RNF214: variants seen among roughly 807,000 people sequenced by gnomAD.
RNF214 encodes the protein ring finger protein 214.
A neutral mutation model predicts 75.9 loss-of-function variants in RNF214; 25 were observed. That is an observed-to-expected ratio of 0.33 (90% CI 0.24 to 0.46). The LOEUF is 0.46. RNF214 is among the 20% of genes least tolerant of loss of function. The pLI is 1.00. For synonymous variants in RNF214, 314 were observed against 308.8 expected (o/e 1.02, Z -0.18); for missense variants, 725 against 857.5 (o/e 0.85, Z 1.93).
chr11:117,257,610 T>C (rs1239493730), intron 6 of RNF214, among the ~76,000 whole-genome samples: 1 of 152,124 alleles, frequency 6.6e-6, no homozygotes, highest in Non-Finnish European at 1.5e-5. Context: ...ATAGTTACAA[T>C]GGAAGGGAAT....
chr11:117,247,037 G>A lies in RNF214; in HGVS notation c.959+89G>A, dbSNP rs374055941. The A allele has an allele frequency of 4.0e-5, 44 of 1,101,848 alleles. No homozygotes were observed. In the South Asian group the frequency reaches 6.8e-4, roughly 17 times the overall value. 68.3% of individuals were successfully genotyped at this position (1,101,848 alleles called of 1,614,324 possible). A position where few individuals can be genotyped will look rare whatever the true frequency, so the allele number is the denominator to read the frequency against. On this transcript the variant is annotated intron_variant, in intron 6 of 14. Coordinates refer to ENST00000300650, the MANE Select transcript of RNF214 (RefSeq NM_207343.4). ...TTGTATTTGTAGTTTCTTTCCCTTCGGTTTAATTTTTATTTGAAAAACAAG... is the reference window on the plus strand; with the variant it reads ...TTGTATTTGTAGTTTCTTTCCCTTCAGTTTAATTTTTATTTGAAAAACAAG...
intron 6 of RNF214, among the ~76,000 whole-genome samples, chr11:117,249,577 A>G (rs1446344336): frequency 1.3e-5 from 2 of 152,106 alleles, no homozygotes; most frequent in African/African-American, 4.8e-5. Flanking sequence ...TGGTCATTAT[A>G]TTATTCACCT....
At chr11:117,263,862 A>G in intron 6 of RNF214, 1 of 290,354 alleles carries the variant, frequency 3.4e-6, no homozygotes, top group Non-Finnish European at 6.8e-6. Flanking sequence ...CTCAGTTCTA[A>G]CAAGGTAGTC....
intron 6 of RNF214, among the ~76,000 whole-genome samples, chr11:117,250,173 A>G (rs1242118219): frequency 2.0e-5 from 3 of 152,174 alleles, no homozygotes; most frequent in African/African-American, 7.2e-5. Context: ...GGGTAGGGGG[A>G]GTCACAGAGG....
intron 6 of RNF214, among the ~76,000 whole-genome samples, chr11:117,269,754 C>A (rs951582046): frequency 6.6e-6 from 1 of 152,250 alleles, no homozygotes; most frequent in South Asian, 2.1e-4. Context: ...CCCTAACTTA[C>A]AATGGTTTGA....
chr11:117,242,499 C>G (rs1018194999), intron 4 of RNF214, among the ~76,000 whole-genome samples: 5 of 152,054 alleles, frequency 3.3e-5, no homozygotes, highest in Non-Finnish European at 7.4e-5. Context: ...CAGAAGAGGC[C>G]CAGGGTTGAG....
At chr11:117,256,071 C>T (rs1412750136) in intron 6 of RNF214, among the ~76,000 whole-genome samples, 2 of 152,160 alleles carry the variant, frequency 1.3e-5, no homozygotes, top group African/African-American at 4.8e-5. Flanking sequence ...GTATTCTGAA[C>T]GTACTTAAAA....
intron 6 of RNF214, among the ~76,000 whole-genome samples, chr11:117,279,323 C>CA (rs2034079373): frequency 9.6e-6 from 1 of 104,356 alleles, no homozygotes; most frequent in Non-Finnish European, 1.9e-5. Context: ...GAGATACAAA[C>CA]TTTTTTTTTT....
chr11:117,240,652 C>T lies in RNF214; in HGVS notation c.678+792C>T, dbSNP rs187929675. 9.1e-3 allele frequency among the ~76,000 whole-genome samples: 1,377 copies of T among 152,108 alleles called. 13 individuals carry two copies. The highest frequency in any genetic ancestry group is 0.015 in the Non-Finnish European group (1,013 of 67,970). The stretch of plus-strand genomic sequence containing the variant: ...GCAGTGAGCCAAGATTGCACCACTG[C>T]ACCCCAGCCTGGACAACAGAGAAGC... On this transcript the variant is annotated intron_variant, in intron 4 of 14. Coordinates refer to ENST00000300650, the MANE Select transcript of RNF214 (RefSeq NM_207343.4).
chr11:117,285,104 C>G lies in RNF214; in HGVS notation c.2065C>G (p.Gln689Glu). Residue 689 changes from glutamine (Q) to glutamate (E), a missense_variant, in exon 15 of 15, where the codon CAG becomes GAG. By Grantham distance (29) the Gln-to-Glu change is conservative. Around this residue, in one of 2 missense-constraint regions of RNF214, gnomAD observed 363 missense variants for 513.0 expected, o/e 0.71. Coordinates refer to ENST00000300650, the MANE Select transcript of RNF214 (RefSeq NM_207343.4). ...TTTCCAGTGTATCAAATTCTGGGCCCAGACCAACACAAATGACACTTGTCC... is the reference window on the plus strand; with the variant it reads ...TTTCCAGTGTATCAAATTCTGGGCCGAGACCAACACAAATGACACTTGTCC... Reference protein sequence around the residue: ...LHKECIKFWAQTNTNDTCPFC... With the variant: ...LHKECIKFWAETNTNDTCPFC... The G allele has an allele frequency of 6.2e-7, 1 of 1,612,560 alleles. No homozygotes were observed. The highest frequency in any genetic ancestry group is 8.5e-7 in the Non-Finnish European group (1 of 1,178,690).
chr11:117,254,620 G>A (rs377205053), intron 6 of RNF214, among the ~76,000 whole-genome samples: 15 of 150,902 alleles, frequency 9.9e-5, no homozygotes, highest in Admixed American at 7.9e-4. Context: ...TGACCTCTTC[G>A]TTCTTCTTCT....
intron 4 of RNF214, among the ~76,000 whole-genome samples, chr11:117,241,997 T>C (rs906402414): frequency 6.6e-6 from 1 of 152,200 alleles, no homozygotes; most frequent in Non-Finnish European, 1.5e-5. Context: ...TTTCATACTG[T>C]TAAGCTTTTA....
chr11:117,280,155 T>C lies in RNF214; in HGVS notation c.1057-16T>C, dbSNP rs1257860064. On this transcript the variant is annotated splice_polypyrimidine_tract_variant and intron_variant, in intron 7 of 14. Transcript: ENST00000300650. ...GTAAAATTAATAAAGTATTTATATGTGTGTGGCTTCCTTAGATCTTATCAC... is the reference window on the plus strand; with the variant it reads ...GTAAAATTAATAAAGTATTTATATGCGTGTGGCTTCCTTAGATCTTATCAC... 2 of 1,593,566 alleles carry C rather than the reference T, an allele frequency of 1.3e-6. No individual in the cohort carries two copies. Among genetic ancestry groups the C allele is most frequent in the South Asian group, 2.2e-5 (2 of 90,170 alleles).
chr11:117,265,528 C>T (rs2033777565), intron 6 of RNF214, among the ~76,000 whole-genome samples: 1 of 152,012 alleles, frequency 6.6e-6, no homozygotes, highest in African/African-American at 2.4e-5. Context: ...ATTCTCCTGT[C>T]TCAGTCTCCT....
At chr11:117,265,503 T>C (rs1274462536) in intron 6 of RNF214, among the ~76,000 whole-genome samples, 1 of 152,084 alleles carries the variant, frequency 6.6e-6, no homozygotes, top group Non-Finnish European at 1.5e-5. Flanking sequence ...AACCTCTGCC[T>C]CCAGGGTTCA....
At chr11:117,273,242 G>T (rs2033947302) in intron 6 of RNF214, among the ~76,000 whole-genome samples, 1 of 152,098 alleles carries the variant, frequency 6.6e-6, no homozygotes, top group Admixed American at 6.6e-5. Context: ...AAAGATAATT[G>T]TGGATATTCA....
intron 4 of RNF214, among the ~76,000 whole-genome samples, chr11:117,242,050 T>C (rs568652616): frequency 5.9e-5 from 9 of 152,182 alleles, no homozygotes; most frequent in African/African-American, 2.2e-4. Flanking sequence ...TATTTACTTG[T>C]GTCTTTTTAA....
In RNF214 at chr11:117,238,744, C is replaced by T. The variant is rs368615483; in HGVS notation, c.251C>T (p.Ala84Val). The change falls in exon 3 of 15, where the codon GCG becomes GTG. Residue 84 changes from alanine (A) to valine (V), a missense_variant. Ala to Val is a moderately conservative substitution (Grantham distance 64, BLOSUM62 0). Around this residue, in one of 2 missense-constraint regions of RNF214, gnomAD observed 362 missense variants for 344.5 expected, o/e 1.05. Transcript: ENST00000300650. ...TCATCAGCAGGTGACACCTCAGCAG[C>T]GCACCAGGTGGTTTTAGGAGAAAAC... The part of the protein sequence containing the change: ...PGSSAGDTSA[A>V]HQVVLGENLI... The T allele has an allele frequency of 3.7e-6, 6 of 1,614,014 alleles. No homozygotes were observed. Among genetic ancestry groups the T allele is most frequent in the African/African-American group, 1.3e-5 (1 of 74,894 alleles).
intron 6 of RNF214, among the ~76,000 whole-genome samples, chr11:117,260,895 C>T (rs1256957092): frequency 6.7e-6 from 1 of 149,244 alleles, no homozygotes; most frequent in Non-Finnish European, 1.5e-5. Context: ...CTCAGATGAT[C>T]CGCCCGCCTT....
Sources: gnomAD v4.1 joint callset for allele counts (sites outside exome capture counted in the v4.1 genomes callset) on GRCh38, gnomAD v4.1.1 for gene constraint, gnomAD v4.1.1 regional missense constraint, MANE v1.5 for transcripts, NCBI Gene and HGNC (gene_info 2026-07-23, HGNC 2026-07-21) for gene names.